PRKN: variants seen among roughly 807,000 people sequenced by gnomAD.
PRKN encodes E3 ubiquitin-protein ligase parkin.
A neutral mutation model predicts 59.5 loss-of-function variants in PRKN; 56 were observed. The observed-to-expected ratio is 0.94, with a 90% CI of 0.76 to 1.18. PRKN has a LOEUF of 1.18. Ranked by LOEUF, PRKN falls within the 50% of genes most tolerant of loss-of-function variation. The probability of loss-of-function intolerance (pLI) is 0.00; values close to 1 mark genes in which losing one functional copy is unlikely to be tolerated. For missense variants in PRKN, 657 were observed against 596.4 expected (o/e 1.10, Z -1.06); for synonymous variants, 250 against 222.1 (o/e 1.13, Z -1.12).
intron 1 of PRKN, among the ~76,000 whole-genome samples, chr6:162,717,861 G>A (rs762016808): frequency 4.6e-5 from 7 of 152,144 alleles, no homozygotes; most frequent in South Asian, 2.1e-4. Flanking sequence ...AGTAGAATCC[G>A]TTTTAAATGT....
rs146848113 is a variant in PRKN at position 161,697,221 on chromosome 6, C to T, written c.871+88551G>A. ...ATTCTCCACTTGGGATGACACCTTT[C>T]TTGAAACTCATCCTCTGGTAATGTG... On this transcript the variant is annotated intron_variant, in intron 7 of 11. Coordinates refer to ENST00000366898, the MANE Select transcript of PRKN (RefSeq NM_004562.3). 7.7e-3 allele frequency among the ~76,000 whole-genome samples: 1,178 copies of T among 152,248 alleles called. 6 individuals carry two copies. Among genetic ancestry groups the T allele is most frequent in the Non-Finnish European group, 0.012 (849 of 68,010 alleles).
chr6:162,156,712 A>C (rs1170774325), intron 4 of PRKN, among the ~76,000 whole-genome samples: 2 of 152,138 alleles, frequency 1.3e-5, no homozygotes, highest in African/African-American at 4.8e-5. Context: ...CTCTTTTGGC[A>C]ACCCCCTCAC....
chr6:161,988,638 G>GT (rs1781528727), intron 5 of PRKN, among the ~76,000 whole-genome samples: 1 of 151,914 alleles, frequency 6.6e-6, no homozygotes, highest in African/African-American at 2.4e-5. Flanking sequence ...AAAAAGAAGA[G>GT]TAAAAACAGA....
chr6:162,213,804 T>TACAC (rs58192789), intron 3 of PRKN, among the ~76,000 whole-genome samples: 59 of 126,636 alleles, frequency 4.7e-4, no homozygotes, highest in South Asian at 1.9e-3. Context: ...AAAAAAACCA[T>TACAC]ACACACACAC....
chr6:162,412,672 T>C (rs1359164316), intron 2 of PRKN, among the ~76,000 whole-genome samples: 3 of 152,180 alleles, frequency 2.0e-5, no homozygotes, highest in Non-Finnish European at 2.9e-5. Context: ...TAAAACCTGA[T>C]ACTTGACAGA....
rs934587018 is a variant in PRKN at position 161,404,710 on chromosome 6, C to T, written c.1084-17833G>A. On this transcript the variant is annotated intron_variant, in intron 9 of 11. Coordinates refer to ENST00000366898, the MANE Select transcript of PRKN (RefSeq NM_004562.3). ...AAAATTTATCATGGTGTATATCACT[C>T]CCTGCACAATGACGCAAGTCAAAAT... Among the ~76,000 whole-genome samples, 6 of 152,190 alleles carry T rather than the reference C, an allele frequency of 3.9e-5. No homozygotes were observed. In the East Asian group the frequency reaches 1.2e-3, roughly 29 times the overall value.
chr6:162,295,509 G>A (rs952388), intron 2 of PRKN, among the ~76,000 whole-genome samples: 87,644 of 151,994 alleles, frequency 0.58, 28,418 homozygotes, highest in East Asian at 0.91. Context: ...ACACACATGC[G>A]TCTCCCCTCC....
At chr6:161,948,984 G>A (rs1020639647) in intron 6 of PRKN, among the ~76,000 whole-genome samples, 3 of 152,298 alleles carry the variant, frequency 2.0e-5, no homozygotes, top group African/African-American at 7.2e-5. Flanking sequence ...ATTTCTACGG[G>A]GAGGCAGAGA....
At chr6:162,213,752 G>A (rs2187212) in intron 3 of PRKN, among the ~76,000 whole-genome samples, 47,619 of 137,284 alleles carry the variant, frequency 0.35, 10,524 homozygotes, top group African/African-American at 0.62. Context: ...TAAAAAAAAT[G>A]TATATTTTGT....
intron 1 of PRKN, among the ~76,000 whole-genome samples, chr6:162,543,179 T>C (rs1778990473): frequency 6.6e-6 from 1 of 152,144 alleles, no homozygotes; most frequent in Non-Finnish European, 1.5e-5. Flanking sequence ...CTGGGAAAAC[T>C]CTAGTTTTTC....
At chr6:162,260,014 A>T (rs1779818185) in intron 3 of PRKN, among the ~76,000 whole-genome samples, 2 of 152,212 alleles carry the variant, frequency 1.3e-5, no homozygotes, top group African/African-American at 4.8e-5. Flanking sequence ...TTGACCTGGG[A>T]TGCACCATCT....
chr6:161,844,472 C>T (rs1793116903), intron 6 of PRKN, among the ~76,000 whole-genome samples: 1 of 152,192 alleles, frequency 6.6e-6, no homozygotes, highest in East Asian at 1.9e-4. Context: ...CGGAGCTGGA[C>T]GGTTGGACTT....
rs1295565299 is a variant in PRKN, at chr6:161,529,217, G to A, written c.1083+19637C>T. Among the ~76,000 whole-genome samples, 1 of 152,140 alleles carries A rather than the reference G, an allele frequency of 6.6e-6. No individual in the cohort carries two copies. Among genetic ancestry groups the A allele is most frequent in the African/African-American group, 2.4e-5 (1 of 41,436 alleles). The stretch of plus-strand genomic sequence containing the variant: ...AGTCTCATCTTCGAATATCTGATTT[G>A]ATGAGTGATTGCTGGAAGTGGATGC... On this transcript the variant is annotated intron_variant, in intron 9 of 11. Transcript: ENST00000366898. The surrounding 1 kb of genome is among the most constrained non-coding windows in gnomAD (Gnocchi z 4.4).
At position 161,411,994 on chromosome 6, in the gene PRKN, T is replaced by C. The variant is rs12662060; in HGVS notation, c.1084-25117A>G. 7.4e-4 allele frequency among the ~76,000 whole-genome samples: 100 copies of C among 135,568 alleles called. No individual in the cohort carries two copies. The East Asian group carries it at 8.6e-3, about 12-fold the overall frequency. 88.9% of individuals were successfully genotyped at this position (135,568 alleles called of 152,430 possible). A position where few individuals can be genotyped will look rare whatever the true frequency, so the allele number is the denominator to read the frequency against. The stretch of plus-strand genomic sequence containing the variant: ...ACCCATTCCTTCCTCATTCATTCCT[T>C]CCTCACTCATTCCTCCACTCATTCA... On this transcript the variant is annotated intron_variant, in intron 9 of 11. Coordinates refer to ENST00000366898, the MANE Select transcript of PRKN (RefSeq NM_004562.3).
chr6:162,283,618 T>G (rs1345453874), intron 2 of PRKN, among the ~76,000 whole-genome samples: 1 of 152,180 alleles, frequency 6.6e-6, no homozygotes, highest in Non-Finnish European at 1.5e-5. Context: ...GCCTCCCAGA[T>G]TAAAGCAGTT....
At chr6:161,759,641 A>T (rs550898245) in intron 7 of PRKN, among the ~76,000 whole-genome samples, 2 of 152,294 alleles carry the variant, frequency 1.3e-5, no homozygotes, top group East Asian at 3.9e-4. Flanking sequence ...CATAGATTAC[A>T]TTTCAATTAC....
chr6:161,536,075 T>TC (rs1779403875), intron 9 of PRKN, among the ~76,000 whole-genome samples: 2 of 152,246 alleles, frequency 1.3e-5, no homozygotes, highest in South Asian at 4.1e-4. Flanking sequence ...TTCTTTTTTT[T>TC]CCCCAATATC....
At chr6:161,694,092 C>T (rs1296919892) in intron 7 of PRKN, among the ~76,000 whole-genome samples, 1 of 152,186 alleles carries the variant, frequency 6.6e-6, no homozygotes, top group African/African-American at 2.4e-5. Context: ...TGCATCAGCA[C>T]GTTGCTGCTT....
At chr6:162,503,563 TAACATAATTTAA>T (rs1415732202) in intron 1 of PRKN, among the ~76,000 whole-genome samples, 2 of 152,230 alleles carry the variant, frequency 1.3e-5, no homozygotes, top group African/African-American at 4.8e-5. Flanking sequence ...CAGGCCATGA[TAACATAATTTAA>T]AACATAATCT....
Sources: gnomAD v4.1 joint callset for allele counts (sites outside exome capture counted in the v4.1 genomes callset) on GRCh38, gnomAD v4.1.1 for gene constraint, Gnocchi (gnomAD v3.1) non-coding constraint, MANE v1.5 for transcripts, NCBI Gene and HGNC (gene_info 2026-07-23, HGNC 2026-07-21) for gene names.